The following PRF1 variants were observed in gnomAD, a reference collection of about 807,000 sequenced individuals.
The protein encoded by PRF1 is perforin 1, also known as perforin-1.
In PRF1, 11 loss-of-function variants were observed where a neutral mutation model predicts 11.7. The ratio of observed to expected loss-of-function variants is 0.94; its 90% CI spans 0.59 to 1.56. The LOEUF is 1.56. Among genes scored for constraint, PRF1 ranks in the 40% most tolerant of loss-of-function variants. The pLI is 0.00. For synonymous variants in PRF1, 314 were observed against 327.8 expected (o/e 0.96, Z 0.45); for missense variants, 729 against 751.0 (o/e 0.97, Z 0.34).
chr10:70,597,470 G>T lies in PRF1; in HGVS notation c.*583C>A, dbSNP rs1848140334. On this transcript the variant is annotated 3_prime_UTR_variant, in exon 3 of 3. Transcript: ENST00000441259. ...GGGCAAAGAAGACAGAGCAGCTGGA[G>T]CTGATGGGGCTCCAGTTAAGGCAAT... is the stretch of plus-strand genomic sequence containing the variant. The T allele has an allele frequency of 2.5e-6, 1 of 396,008 alleles. No individual in the cohort carries two copies. The allele number at this position is 396,008 out of a possible 1,614,324, so 24.5% of individuals were successfully genotyped here. A position where few individuals can be genotyped will look rare whatever the true frequency, so the allele number is the denominator to read the frequency against.
chr10:70,602,210 C>T (rs1037316697), intron 1 of PRF1, among the ~76,000 whole-genome samples: 3 of 152,164 alleles, frequency 2.0e-5, no homozygotes, highest in African/African-American at 7.2e-5. Context: ...AGCCTCCTGC[C>T]CTGCCCAAAG....
Position 70,600,795 on chromosome 10 carries a change from C to T in PRF1, c.108G>A (p.Lys36=), listed in dbSNP as rs766208450. The change falls in exon 2 of 3, where the codon AAG becomes AAA. Residue 36 remains lysine (K), a synonymous_variant. Coordinates refer to ENST00000441259, the MANE Select transcript of PRF1 (RefSeq NM_001083116.3). The surrounding 1 kb of genome is among the most constrained non-coding windows in gnomAD (Gnocchi z 4.9). ...AARSECKRSH[K]FVPGAWLAGE... is the part of the protein sequence containing the mutation. Reference sequence around the variant, plus strand: ...CGGCCAGCCATGCACCAGGCACGAACTTGTGGCTGCGCTTGCACTCTGAGC... The same window carrying T: ...CGGCCAGCCATGCACCAGGCACGAATTTGTGGCTGCGCTTGCACTCTGAGC... The T allele has an allele frequency of 2.5e-5, 41 of 1,610,832 alleles. 1 individual carries two copies. Among genetic ancestry groups the T allele is most frequent in the Non-Finnish European group, 3.3e-5 (39 of 1,177,948 alleles).
In PRF1 at chr10:70,598,306, A is replaced by G; in HGVS notation, c.1415T>C (p.Leu472Pro). Residue 472 changes from leucine to proline, a missense_variant, in exon 3 of 3, where the codon CTG (leucine) becomes CCG (proline). Physicochemically the swap from Leu to Pro is moderately conservative, Grantham distance 98. Transcript: ENST00000441259. ...SVRLDFGDVL[L>P]ATGGPLRLQV... Reference sequence around the variant, plus strand: ...CAACCTCAGGGGCCCCCCTGTGGCCAGGAGCACATCCCCAAAATCCAGCCG... The same window carrying G: ...CAACCTCAGGGGCCCCCCTGTGGCCGGGAGCACATCCCCAAAATCCAGCCG... 1 of 1,614,160 alleles carries G rather than the reference A, an allele frequency of 6.2e-7. No individual in the cohort carries two copies. Among genetic ancestry groups the G allele is most frequent in the Non-Finnish European group, 8.5e-7 (1 of 1,180,030 alleles).
Position 70,598,630 on chromosome 10 carries a change from A to T in PRF1, c.1091T>A (p.Leu364Gln). 1.9e-6 allele frequency: 3 copies of T among 1,613,102 alleles called. No homozygotes were observed. Among genetic ancestry groups the T allele is most frequent in the Non-Finnish European group, 2.5e-6 (3 of 1,179,906 alleles). Residue 364 changes from leucine (L) to glutamine (Q), a missense_variant, in exon 3 of 3, where the codon CTG becomes CAG. Leu to Gln is a moderately radical substitution (Grantham distance 113). Transcript: ENST00000441259. ...AGCCCTGTCCGTCAGGTACTGACTCAGGGCCCTCCTCAGTGCCTCCCGCCG... is the reference window on the plus strand; with the variant it reads ...AGCCCTGTCCGTCAGGTACTGACTCTGGGCCCTCCTCAGTGCCTCCCGCCG... ...DPRREALRRA[L>Q]SQYLTDRARW...
rs61737403 is a variant in PRF1 at position 70,600,459 on chromosome 10, G to A, written c.444C>T (p.Ala148=). Residue 148 remains alanine (A), a synonymous_variant, in exon 2 of 3, where the codon GCC becomes GCT. Coordinates refer to ENST00000441259, the MANE Select transcript of PRF1 (RefSeq NM_001083116.3). This position sits in a 1 kb window ranked among gnomAD's most constrained non-coding sequence, Gnocchi z 4.9. ...KPTSNVHVSV[A]GSHSQAANFA... ...AGTTGGCTGCCTGTGAGTGTGAGCC[G>A]GCCACAGACACATGCACATTGCTGG... The A allele has an allele frequency of 7.3e-4, 1,181 of 1,614,190 alleles. 4 individuals carry two copies. In the African/African-American group the frequency reaches 0.013, roughly 18 times the overall value.
In PRF1 at chr10:70,598,386, G is replaced by A. The variant is rs1848158850; in HGVS notation, c.1335C>T (p.Gly445=). The change falls in exon 3 of 3, where the codon GGC becomes GGT. Residue 445 remains glycine, a synonymous_variant. Coordinates refer to ENST00000441259, the MANE Select transcript of PRF1 (RefSeq NM_001083116.3). ...TDAYVKLFFG[G]QELRTSTVWD... ...ACACGGTGCTCGTCCTCAGCTCCTG[G>A]CCACCAAAGAAGAGCTTCACATAGG... 1 of 1,614,002 alleles carries A rather than the reference G, an allele frequency of 6.2e-7. No homozygotes were observed. Among genetic ancestry groups the A allele is most frequent in the African/African-American group, 1.3e-5 (1 of 74,932 alleles).
rs150156593 is a variant in PRF1, at chr10:70,599,158, G to T, written c.563C>A (p.Pro188Gln). The T allele has an allele frequency of 1.2e-6, 2 of 1,614,184 alleles. No homozygotes were observed. Among genetic ancestry groups the T allele is most frequent in the South Asian group, 1.1e-5 (1 of 91,082 alleles). Residue 188 changes from proline to glutamine, a missense_variant, in exon 3 of 3, where the codon CCG becomes CAG. Pro to Gln is a moderately conservative substitution (Grantham distance 76, BLOSUM62 -1). Transcript: ENST00000441259. ...FYSFHVVHTPPLHPDFKRALG... is the reference protein window; with the variant it reads ...FYSFHVVHTPQLHPDFKRALG... The stretch of plus-strand genomic sequence containing the variant: ...GGCCCTCTTGAAGTCAGGGTGCAGC[G>T]GGGGAGTGTGTACCACATGGAAACT...
Position 70,598,755 on chromosome 10 carries a change from G to C in PRF1, c.966C>G (p.Pro322=). ...AGTTTACCCAGGCTGAGTACTGCTC[G>C]GGCCCGGCCTGGATCCCGAACAGCA... ...NDLLFGIQAG[P]EQYSAWVNSL... is the part of the protein sequence containing the mutation. The change falls in exon 3 of 3, where the codon CCC becomes CCG. Residue 322 remains proline (P), a synonymous_variant. Coordinates refer to ENST00000441259, the MANE Select transcript of PRF1 (RefSeq NM_001083116.3). 1.9e-6 allele frequency: 3 copies of C among 1,614,240 alleles called. No individual in the cohort carries two copies. The highest frequency in any genetic ancestry group is 2.5e-6 in the Non-Finnish European group (3 of 1,180,040).
chr10:70,598,779 CAGGTCGTTAATGG>C lies in PRF1; in HGVS notation c.929_941del (p.Ser310CysfsTer16). 1 of 1,614,250 alleles carries C rather than the reference CAGGTCGTTAATGG, an allele frequency of 6.2e-7. No individual in the cohort carries two copies. Among genetic ancestry groups the C allele is most frequent in the South Asian group, 1.1e-5 (1 of 91,090 alleles). ...CGGGCCCGGCCTGGATCCCGAACAG[CAGGTCGTTAATGG>C]AGGTGTGATGGCCGCCAACCACTTC... On this transcript the variant is annotated frameshift_variant, in exon 3 of 3. Coordinates refer to ENST00000441259, the MANE Select transcript of PRF1 (RefSeq NM_001083116.3). LOFTEE classifies it low-confidence loss of function (END_TRUNC).
rs143546173 is a variant in PRF1 at position 70,600,414 on chromosome 10, G to A, written c.489C>T (p.His163=). Residue 163 remains histidine (H), a synonymous_variant, in exon 2 of 3, where the codon CAC becomes CAT. Transcript: ENST00000441259. This position sits in a 1 kb window ranked among gnomAD's most constrained non-coding sequence, Gnocchi z 4.9. ...CAGTGCTGAAGCTGTACTGGTCCTGGTGGGTCTTCTGGGCTGCAAAGTTGG... is the reference window on the plus strand; with the variant it reads ...CAGTGCTGAAGCTGTACTGGTCCTGATGGGTCTTCTGGGCTGCAAAGTTGG... ...QAANFAAQKT[H]QDQYSFSTDT... The A allele has an allele frequency of 3.7e-5, 60 of 1,614,050 alleles. No homozygotes were observed. In the African/African-American group the frequency reaches 7.9e-4, roughly 21 times the overall value.
At position 70,600,982 on chromosome 10, in the gene PRF1, C is replaced by T. The variant is rs1848223158; in HGVS notation, c.-30-50G>A. On this transcript the variant is annotated intron_variant, in intron 1 of 2. Transcript: ENST00000441259. The surrounding 1 kb of genome is among the most constrained non-coding windows in gnomAD (Gnocchi z 4.9). ...GGAGGATGACTGCTCCCTTCCCCCA[C>T]AGCCACAGATTATCAGGGCACATGG... The T allele has an allele frequency of 6.5e-6, 10 of 1,534,624 alleles. No homozygotes were observed. In the Admixed American group the frequency reaches 1.6e-4, roughly 24 times the overall value.
chr10:70,598,293 C>T lies in PRF1; in HGVS notation c.1428G>A (p.Gly476=), dbSNP rs145695221. ...GATCCCAGACCTGCAACCTCAGGGG[C>T]CCCCCTGTGGCCAGGAGCACATCCC... The part of the protein sequence containing the change: ...DFGDVLLATG[G]PLRLQVWDQD... The change falls in exon 3 of 3, where the codon GGG becomes GGA. Residue 476 remains glycine (G), a synonymous_variant. Transcript: ENST00000441259. 233 of 1,614,124 alleles carry T rather than the reference C, an allele frequency of 1.4e-4. No individual in the cohort carries two copies. The African/African-American group carries it at 2.6e-3, about 18-fold the overall frequency.
At position 70,600,869 on chromosome 10, in the gene PRF1, G is replaced by C. The variant is rs1422027702; in HGVS notation, c.34C>G (p.Leu12Val). Reference protein sequence around the residue: ...AARLLLLGILLLLLPLPVPAP... With the variant: ...AARLLLLGILVLLLPLPVPAP... ...GGGACGGGCAGGGGCAGCAGCAGGAGAAGGATGCCCAGGAGGAGCAGACGG... is the reference window on the plus strand; with the variant it reads ...GGGACGGGCAGGGGCAGCAGCAGGACAAGGATGCCCAGGAGGAGCAGACGG... The change falls in exon 2 of 3, where the codon CTC becomes GTC. Residue 12 changes from leucine (L) to valine (V), a missense_variant. By Grantham distance (32) the Leu-to-Val change is conservative. Coordinates refer to ENST00000441259, the MANE Select transcript of PRF1 (RefSeq NM_001083116.3). This position sits in a 1 kb window ranked among gnomAD's most constrained non-coding sequence, Gnocchi z 4.9. The C allele has an allele frequency of 1.2e-6, 2 of 1,605,468 alleles. No individual in the cohort carries two copies. Among genetic ancestry groups the C allele is most frequent in the Admixed American group, 1.7e-5 (1 of 58,212 alleles).
rs59395239 is a variant in PRF1, at chr10:70,600,049, G to C, written c.539+315C>G. Among the ~76,000 whole-genome samples the C allele has an allele frequency of 7.4e-3, 1,133 of 152,316 alleles. 8 individuals are homozygous for C. Among genetic ancestry groups the C allele is most frequent in the African/African-American group, 0.024 (1,005 of 41,570 alleles). On this transcript the variant is annotated intron_variant, in intron 2 of 2. Coordinates refer to ENST00000441259, the MANE Select transcript of PRF1 (RefSeq NM_001083116.3). The surrounding 1 kb of genome is among the most constrained non-coding windows in gnomAD (Gnocchi z 4.9). Reference sequence around the variant, plus strand: ...CCTATCCAGGAAGGACTCTGTGGAAGGCTGGCTGTGCCCAGGAAAGGCAGG... The same window carrying C: ...CCTATCCAGGAAGGACTCTGTGGAACGCTGGCTGTGCCCAGGAAAGGCAGG...
intron 1 of PRF1, among the ~76,000 whole-genome samples, chr10:70,602,397 C>T (rs2132480083): frequency 6.6e-6 from 1 of 152,254 alleles, no homozygotes; most frequent in East Asian, 1.9e-4. Context: ...CCCAGGGAGC[C>T]TCTTTCCAGC....
At chr10:70,601,753 C>T (rs1848232912) in intron 1 of PRF1, among the ~76,000 whole-genome samples, 1 of 138,900 alleles carries the variant, frequency 7.2e-6, no homozygotes, top group Admixed American at 8.0e-5. Flanking sequence ...CGCTTGAACC[C>T]AGGAGGCGGA....
intron 2 of PRF1, 142 bp from the exon 3 acceptor site, chr10:70,599,323 G>T: frequency 1.9e-6 from 2 of 1,053,066 alleles, no homozygotes; most frequent in Non-Finnish European, 1.4e-6. Flanking sequence ...CAGAGCACAA[G>T]CACAGTGGCA....
chr10:70,600,450 G>A lies in PRF1; in HGVS notation c.453C>T (p.His151=). ...GGGCTGCAAAGTTGGCTGCCTGTGAGTGTGAGCCGGCCACAGACACATGCA... is the reference window on the plus strand; with the variant it reads ...GGGCTGCAAAGTTGGCTGCCTGTGAATGTGAGCCGGCCACAGACACATGCA... The part of the protein sequence containing the change: ...SNVHVSVAGS[H]SQAANFAAQK... Residue 151 remains histidine, a synonymous_variant, in exon 2 of 3, where the codon CAC becomes CAT. Coordinates refer to ENST00000441259, the MANE Select transcript of PRF1 (RefSeq NM_001083116.3). This position sits in a 1 kb window ranked among gnomAD's most constrained non-coding sequence, Gnocchi z 4.9. 6.2e-7 allele frequency: 1 copy of A among 1,614,226 alleles called. No homozygotes were observed. The highest frequency in any genetic ancestry group is 1.1e-5 in the South Asian group (1 of 91,088).
rs1848185651 is a variant in PRF1, at chr10:70,599,305, C to T, written c.540-124G>A. Reference sequence around the variant, plus strand: ...CAGAACTAGGACTGGAACCCAGGGGCCCGGCTCCAGAGCACAAGCACAGTG... The same window carrying T: ...CAGAACTAGGACTGGAACCCAGGGGTCCGGCTCCAGAGCACAAGCACAGTG... On this transcript the variant is annotated intron_variant, in intron 2 of 2. Coordinates refer to ENST00000441259, the MANE Select transcript of PRF1 (RefSeq NM_001083116.3). 3 of 1,285,692 alleles carry T rather than the reference C, an allele frequency of 2.3e-6. 1 individual carries two copies. Among genetic ancestry groups the T allele is most frequent in the Middle Eastern group, 5.0e-4 (2 of 4,016 alleles). The allele number at this position is 1,285,692 out of a possible 1,614,324, so 79.6% of individuals were successfully genotyped here. A position where few individuals can be genotyped will look rare whatever the true frequency, so the allele number is the denominator to read the frequency against.
Sources: allele counts gnomAD v4.1 joint callset (sites outside exome capture counted in the v4.1 genomes callset), GRCh38; gene constraint gnomAD v4.1.1; non-coding constraint Gnocchi (gnomAD v3.1); transcripts MANE v1.5; gene names NCBI Gene and HGNC (gene_info 2026-07-23, HGNC 2026-07-21).